The following AHCYL2 variants were observed in gnomAD, a reference collection of about 807,000 sequenced individuals.
AHCYL2 encodes S-adenosylhomocysteine hydrolase-like protein 2.
AHCYL2 carries 28 observed loss-of-function variants against 81.4 expected under a neutral mutation model. The observed-to-expected ratio is 0.34, with a 90% CI of 0.25 to 0.47. AHCYL2 has a LOEUF of 0.47. Ranked by LOEUF, AHCYL2 falls within the 20% of genes least tolerant of loss-of-function variation. The pLI, the probability that AHCYL2 is intolerant of heterozygous loss-of-function variation, is 1.00. For missense variants in AHCYL2, 551 were observed against 785.1 expected, an observed-to-expected ratio of 0.70 and a Z score of 3.56; for synonymous variants, 272 against 290.2, an observed-to-expected ratio of 0.94 and a Z score of 0.64.
intron 12 of AHCYL2, among the ~76,000 whole-genome samples, chr7:129,414,815 T>G (rs1796765999): frequency 6.6e-6 from 1 of 152,208 alleles, no homozygotes; most frequent in African/African-American, 2.4e-5. Context: ...GGCACGCTTG[T>G]ATTTCTCTCT....
chr7:129,258,965 T>G (rs1355889783), intron 1 of AHCYL2, among the ~76,000 whole-genome samples: 1 of 152,208 alleles, frequency 6.6e-6, no homozygotes, highest in Non-Finnish European at 1.5e-5. Flanking sequence ...ATTTTGCTAT[T>G]TTAAAATCCT....
At chr7:129,235,325 A>C (rs1488226422) in intron 1 of AHCYL2, among the ~76,000 whole-genome samples, 1 of 151,738 alleles carries the variant, frequency 6.6e-6, no homozygotes, top group South Asian at 2.1e-4. Context: ...GATCACTGTA[A>C]ACTTGAACTC....
At chr7:129,233,139 G>A (rs75348803) in intron 1 of AHCYL2, among the ~76,000 whole-genome samples, 508 of 152,218 alleles carry the variant, frequency 3.3e-3, no homozygotes, top group African/African-American at 0.012. Flanking sequence ...CATTTCTCTA[G>A]TTCACTTTCC....
intron 1 of AHCYL2, among the ~76,000 whole-genome samples, chr7:129,346,692 A>C (rs1266524991): frequency 6.6e-6 from 1 of 152,232 alleles, no homozygotes; most frequent in Non-Finnish European, 1.5e-5. Context: ...GTGGGTATGC[A>C]ATATTATACA....
Position 129,413,634 on chromosome 7 carries a change from G to A in AHCYL2, c.1407G>A (p.Met469Ile), listed in dbSNP as rs761984853. 3.7e-6 allele frequency: 6 copies of A among 1,614,028 alleles called. No homozygotes were observed. In the Admixed American group the frequency reaches 5.0e-5, roughly 13 times the overall value. Residue 469 changes from methionine to isoleucine, a missense_variant, in exon 12 of 17, where the codon ATG becomes ATA. Met to Ile is a conservative substitution (Grantham distance 10, BLOSUM62 1). This residue lies in a region of AHCYL2 where 316 missense variants were observed against 543.1 expected (regional missense o/e 0.58). Transcript: ENST00000325006. ...NVVTREHLDR[M>I]KNSCIVCNMG... is the part of the protein sequence containing the mutation. ...TAACCAGAGAGCACTTGGACCGTAT[G>A]AAGAATAGCTGCATCGTTTGTAACA...
intron 1 of AHCYL2, among the ~76,000 whole-genome samples, chr7:129,232,332 T>C (rs896784193): frequency 1.3e-5 from 2 of 152,176 alleles, no homozygotes; most frequent in Non-Finnish European, 2.9e-5. Flanking sequence ...AAATATAGGC[T>C]CAAAGAGAGT....
intron 1 of AHCYL2, among the ~76,000 whole-genome samples, chr7:129,290,993 A>G (rs1422120949): frequency 2.0e-5 from 3 of 151,858 alleles, no homozygotes; most frequent in Admixed American, 6.6e-5. Flanking sequence ...CAGACGTGGC[A>G]TTGTTTCCAC....
chr7:129,329,906 A>G (rs937161106), intron 1 of AHCYL2, among the ~76,000 whole-genome samples: 2 of 152,248 alleles, frequency 1.3e-5, no homozygotes, highest in Non-Finnish European at 2.9e-5. Flanking sequence ...ATAGTTCTGA[A>G]TAAGTATAAA....
intron 1 of AHCYL2, among the ~76,000 whole-genome samples, chr7:129,253,027 T>C (rs1018943212): frequency 6.6e-6 from 1 of 151,866 alleles, no homozygotes; most frequent in African/African-American, 2.4e-5. Flanking sequence ...GCCAAGATGG[T>C]GAAACCCTGT....
intron 13 of AHCYL2, among the ~76,000 whole-genome samples, chr7:129,423,146 T>C (rs1196852318): frequency 6.6e-6 from 1 of 152,230 alleles, no homozygotes; most frequent in African/African-American, 2.4e-5. Flanking sequence ...TCACCAATTA[T>C]CCTGTCTCTC....
chr7:129,355,435 T>TA (rs1793705165), intron 1 of AHCYL2, among the ~76,000 whole-genome samples: 3 of 152,150 alleles, frequency 2.0e-5, no homozygotes, highest in Admixed American at 2.0e-4. Flanking sequence ...TAAACAGAAA[T>TA]ACATATAAAA....
intron 1 of AHCYL2, among the ~76,000 whole-genome samples, chr7:129,331,351 A>C (rs191101720): frequency 7.2e-4 from 109 of 152,290 alleles, no homozygotes; most frequent in African/African-American, 2.5e-3. Flanking sequence ...AAAGATTTAG[A>C]TTTAGCATTT....
intron 1 of AHCYL2, among the ~76,000 whole-genome samples, chr7:129,357,132 T>C (rs1170223053): frequency 6.6e-6 from 1 of 152,216 alleles, no homozygotes; most frequent in Non-Finnish European, 1.5e-5. Flanking sequence ...ACTGAGAAGC[T>C]ATCACGGATT....
intron 1 of AHCYL2, among the ~76,000 whole-genome samples, chr7:129,260,038 T>C (rs1461187886): frequency 6.7e-6 from 1 of 150,310 alleles, no homozygotes; most frequent in Non-Finnish European, 1.5e-5. Flanking sequence ...ATCATGCCTT[T>C]GCCCTCCAGC....
At chr7:129,336,597 G>A (rs546941317) in intron 1 of AHCYL2, among the ~76,000 whole-genome samples, 35 of 152,250 alleles carry the variant, frequency 2.3e-4, no homozygotes, top group Middle Eastern at 6.8e-3. Flanking sequence ...AAGTATAGAA[G>A]TTGATTAGAA....
intron 5 of AHCYL2, among the ~76,000 whole-genome samples, chr7:129,398,874 C>A (rs1045505865): frequency 6.6e-6 from 1 of 151,796 alleles, no homozygotes; most frequent in Non-Finnish European, 1.5e-5. Flanking sequence ...AAACAAGAGG[C>A]TTAGGAAAGT....
chr7:129,339,872 A>T (rs1793100449), intron 1 of AHCYL2, among the ~76,000 whole-genome samples: 1 of 140,222 alleles, frequency 7.1e-6, no homozygotes, highest in Admixed American at 7.1e-5. Context: ...GTACACTGTT[A>T]TCCAGTTTTG....
intron 1 of AHCYL2, among the ~76,000 whole-genome samples, chr7:129,281,876 T>C (rs574611397): frequency 3.9e-5 from 6 of 152,374 alleles, no homozygotes; most frequent in Admixed American, 3.3e-4. Flanking sequence ...TTTAGTGTTA[T>C]ACATTTCCTT....
intron 1 of AHCYL2, among the ~76,000 whole-genome samples, chr7:129,250,845 T>C (rs1019912216): frequency 5.3e-5 from 8 of 152,226 alleles, no homozygotes; most frequent in African/African-American, 1.9e-4. Context: ...ACCCTTATGA[T>C]ACCCTGTAAG....
Sources: allele counts gnomAD v4.1 joint callset (sites outside exome capture counted in the v4.1 genomes callset), GRCh38; gene constraint gnomAD v4.1.1; regional missense constraint gnomAD v4.1.1; transcripts MANE v1.5; gene names NCBI Gene and HGNC (gene_info 2026-07-23, HGNC 2026-07-21).